The following TMEM108 variants were observed in gnomAD, a reference collection of about 807,000 sequenced individuals.
TMEM108 encodes transmembrane protein 108.
A neutral mutation model predicts 35.1 loss-of-function variants in TMEM108; 12 were observed. The ratio of observed to expected loss-of-function variants is 0.34; its 90% CI spans 0.22 to 0.55. TMEM108 has a LOEUF of 0.55. Ranked by LOEUF, TMEM108 falls within the 20% of genes least tolerant of loss-of-function variation. The pLI, the probability that TMEM108 is intolerant of heterozygous loss-of-function variation, is 0.89. For synonymous variants in TMEM108, 287 were observed against 308.6 expected (o/e 0.93, Z 0.73); for missense variants, 680 against 753.3 (o/e 0.90, Z 1.14).
In TMEM108 at chr3:133,073,484, T is replaced by TTCTC. The variant is rs371623398; in HGVS notation, c.-47+27488_-47+27491dup. 1.1e-3 allele frequency among the ~76,000 whole-genome samples: 62 copies of TTCTC among 55,612 alleles called. 3 individuals are homozygous for TTCTC. Among genetic ancestry groups the TTCTC allele is most frequent in the African/African-American group, 4.0e-3 (37 of 9,158 alleles). The allele number at this position is 55,612 out of a possible 152,430, so 36.5% of individuals were successfully genotyped here. ...TTTTTTAAGGCTGAATAGTATTCTA[T>TTCTC]TCTCTCTCTCTCTCTCTCTCTCTCT... On this transcript the variant is annotated intron_variant, in intron 2 of 5. Transcript: ENST00000321871.
intron 3 of TMEM108, among the ~76,000 whole-genome samples, chr3:133,285,918 G>T (rs1043201109): frequency 2.0e-5 from 3 of 152,128 alleles, no homozygotes; most frequent in African/African-American, 7.2e-5. Flanking sequence ...AACTGGCATT[G>T]CTATGTGTTT....
intron 3 of TMEM108, among the ~76,000 whole-genome samples, chr3:133,360,653 G>A (rs1256102307): frequency 6.6e-6 from 1 of 152,186 alleles, no homozygotes. Context: ...TGAGGCTGGT[G>A]ACCTTTCTCC....
intron 2 of TMEM108, among the ~76,000 whole-genome samples, chr3:133,207,416 G>A (rs1945773433): frequency 6.6e-6 from 1 of 152,080 alleles, no homozygotes; most frequent in Non-Finnish European, 1.5e-5. Context: ...GACCAGAGCT[G>A]TTCCTGTTTG....
At chr3:133,090,637 C>T (rs1218243603) in intron 2 of TMEM108, among the ~76,000 whole-genome samples, 1 of 152,176 alleles carries the variant, frequency 6.6e-6, no homozygotes, top group African/African-American at 2.4e-5. Flanking sequence ...ATTTCAAAGG[C>T]GCATTTTTAA....
At chr3:133,345,675 G>C (rs927731158) in intron 3 of TMEM108, among the ~76,000 whole-genome samples, 1 of 151,730 alleles carries the variant, frequency 6.6e-6, no homozygotes, top group African/African-American at 2.4e-5. Flanking sequence ...CAAAATATAT[G>C]GTTACAGAGT....
Position 133,312,125 on chromosome 3 carries a change from G to A in TMEM108, c.41-67627G>A, listed in dbSNP as rs79511126. Among the ~76,000 whole-genome samples the A allele has an allele frequency of 9.1e-3, 1,388 of 152,292 alleles. 18 individuals are homozygous for A. Among genetic ancestry groups the A allele is most frequent in the Admixed American group, 0.021 (314 of 15,306 alleles). On this transcript the variant is annotated intron_variant, in intron 3 of 5. Transcript: ENST00000321871. ...GAAGCTTCATCCCAGAGGGGTGCCCGCCTGTATGAGGTGTCTGTCAGCCCC... is the reference window on the plus strand; with the variant it reads ...GAAGCTTCATCCCAGAGGGGTGCCCACCTGTATGAGGTGTCTGTCAGCCCC...
chr3:133,324,962 C>CAA (rs2071312469), intron 3 of TMEM108, among the ~76,000 whole-genome samples: 1 of 152,018 alleles, frequency 6.6e-6, no homozygotes, highest in Admixed American at 6.6e-5. Context: ...GGCAACAGAG[C>CAA]AAGACTCCAT....
At chr3:133,323,278 C>G (rs181750569) in intron 3 of TMEM108, among the ~76,000 whole-genome samples, 7 of 152,014 alleles carry the variant, frequency 4.6e-5, no homozygotes, top group Admixed American at 3.9e-4. Flanking sequence ...ATCCAAAAAC[C>G]CTGAAGATTC....
At chr3:133,183,423 T>G (rs1164291245) in intron 2 of TMEM108, among the ~76,000 whole-genome samples, 1 of 152,040 alleles carries the variant, frequency 6.6e-6, no homozygotes, top group Non-Finnish European at 1.5e-5. Flanking sequence ...ATCTTCTCCT[T>G]AGATATAGAG....
chr3:133,170,564 C>T (rs1165072765), intron 2 of TMEM108, among the ~76,000 whole-genome samples: 2 of 152,168 alleles, frequency 1.3e-5, no homozygotes, highest in African/African-American at 4.8e-5. Context: ...AACACATTAA[C>T]ACACTCTAAG....
At chr3:133,162,677 C>G (rs1944978034) in intron 2 of TMEM108, among the ~76,000 whole-genome samples, 1 of 152,182 alleles carries the variant, frequency 6.6e-6, no homozygotes, top group South Asian at 2.1e-4. Flanking sequence ...GCAAAATATC[C>G]AGGTCTGCCA....
chr3:133,252,797 C>T (rs1946489766), intron 3 of TMEM108, among the ~76,000 whole-genome samples: 1 of 152,178 alleles, frequency 6.6e-6, no homozygotes, highest in African/African-American at 2.4e-5. Context: ...GATCTCCATT[C>T]TTGCATACAG....
At chr3:133,387,195 C>T in intron 4 of TMEM108, 1 of 985,442 alleles carries the variant, frequency 1.0e-6, no homozygotes, top group Non-Finnish European at 1.2e-6. Context: ...AATTAAGCAT[C>T]CATTGTGTGT....
chr3:133,349,301 A>G (rs1421044422), intron 3 of TMEM108, among the ~76,000 whole-genome samples: 1 of 152,174 alleles, frequency 6.6e-6, no homozygotes, highest in Non-Finnish European at 1.5e-5. Flanking sequence ...ATGTGGCACA[A>G]TATAAACACA....
At chr3:133,215,365 TA>T (rs35908719) in intron 2 of TMEM108, among the ~76,000 whole-genome samples, 18,770 of 135,300 alleles carry the variant, frequency 0.14, 1,268 homozygotes, top group South Asian at 0.23. Context: ...CATAAAAATG[TA>T]AAAAAAAAAA....
chr3:133,311,884 G>T (rs1240521256), intron 3 of TMEM108, among the ~76,000 whole-genome samples: 1 of 152,232 alleles, frequency 6.6e-6, no homozygotes, highest in Non-Finnish European at 1.5e-5. Flanking sequence ...GTGACCTACA[G>T]ATGGGGTTTT....
intron 3 of TMEM108, among the ~76,000 whole-genome samples, chr3:133,342,465 T>C (rs977185803): frequency 6.7e-6 from 1 of 148,640 alleles, no homozygotes; most frequent in East Asian, 2.0e-4. Flanking sequence ...TATCAAAATA[T>C]CTCATGTAAT....
At position 133,087,538 on chromosome 3, in the gene TMEM108, T is replaced by G. The variant is rs560841884; in HGVS notation, c.-47+41518T>G. ...GTTCTTTATGCTGATCCTTAAAAAATGTCATGAAACTGTGGCATTGTGACA... is the reference window on the plus strand; with the variant it reads ...GTTCTTTATGCTGATCCTTAAAAAAGGTCATGAAACTGTGGCATTGTGACA... On this transcript the variant is annotated intron_variant, in intron 2 of 5. Transcript: ENST00000321871. Among the ~76,000 whole-genome samples, 14 of 152,194 alleles carry G rather than the reference T, an allele frequency of 9.2e-5. 1 individual carries two copies. In the South Asian group the frequency reaches 1.0e-3, roughly 11 times the overall value.
At chr3:133,304,885 C>T (rs1947279696) in intron 3 of TMEM108, among the ~76,000 whole-genome samples, 1 of 151,986 alleles carries the variant, frequency 6.6e-6, no homozygotes. Context: ...AGTTCAACAG[C>T]AGCTTGACCA....
Sources: allele counts gnomAD v4.1 joint callset (sites outside exome capture counted in the v4.1 genomes callset), GRCh38; gene constraint gnomAD v4.1.1; transcripts MANE v1.5; gene names NCBI Gene and HGNC (gene_info 2026-07-23, HGNC 2026-07-21).